The following SCAF11 variants were observed in gnomAD, a reference collection of about 807,000 sequenced individuals.
The protein encoded by SCAF11 is SR-related CTD associated factor 11, also known as protein SCAF11.
A neutral mutation model predicts 140.5 loss-of-function variants in SCAF11; 47 were observed. The ratio of observed to expected loss-of-function variants is 0.33; its 90% CI spans 0.26 to 0.43. The LOEUF (loss-of-function observed/expected upper bound fraction) is 0.43, where lower values mean the gene tolerates loss of function less well. SCAF11 is among the 20% of genes least tolerant of loss of function. SCAF11 has a pLI of 1.00. For missense variants in SCAF11, 1,645 were observed against 1,705.1 expected (o/e 0.96, Z 0.62); for synonymous variants, 557 against 579.4 (o/e 0.96, Z 0.55).
At chr12:45,973,425 AAAT>A (rs943766372) in intron 1 of SCAF11, among the ~76,000 whole-genome samples, 2 of 152,064 alleles carry the variant, frequency 1.3e-5, no homozygotes, top group East Asian at 3.8e-4. Context: ...GAAGAAGAAG[AAAT>A]AATGGGTGGA....
intron 10 of SCAF11, chr12:45,930,839 C>G (rs1402138709): frequency 6.6e-6 from 1 of 151,882 alleles, no homozygotes; most frequent in African/African-American, 2.4e-5. Flanking sequence ...ATACCTTTTT[C>G]TTAATTTTTT....
chr12:45,989,981 C>T (rs574287543), intron 1 of SCAF11, among the ~76,000 whole-genome samples: 10 of 151,896 alleles, frequency 6.6e-5, no homozygotes, highest in East Asian at 1.9e-4. Flanking sequence ...CCCTTCCCCC[C>T]CCCCCGTAGG....
intron 12 of SCAF11, 52 bp from the exon 13 acceptor site, chr12:45,923,206 T>G (rs1944758241): frequency 1.3e-6 from 2 of 1,489,714 alleles, no homozygotes; most frequent in African/African-American, 2.8e-5. Context: ...TCGATAGAAG[T>G]CTTTTAGTGA....
intron 4 of SCAF11, among the ~76,000 whole-genome samples, chr12:45,950,550 C>T (rs945244149): frequency 1.3e-5 from 2 of 152,208 alleles, no homozygotes; most frequent in East Asian, 1.9e-4. Flanking sequence ...ATACAAACAG[C>T]GTTTGGAAAA....
Position 45,926,865 on chromosome 12 carries a change from T to C in SCAF11, c.2836A>G (p.Arg946Gly), listed in dbSNP as rs1565658605. ...RSHSRSPSRC[R>G]TKSKSSSFGR... ...AATGATGAACTCTTACTTTTTGTTC[T>C]ACATCTTGAGGGGGACCTAGAATGA... Residue 946 changes from arginine (R) to glycine (G), a missense_variant, in exon 11 of 15, where the codon AGA becomes GGA. Arg to Gly is a moderately radical substitution (Grantham distance 125). Coordinates refer to ENST00000369367, the MANE Select transcript of SCAF11 (RefSeq NM_004719.3). 6.2e-7 allele frequency: 1 copy of C among 1,614,106 alleles called. No individual in the cohort carries two copies. Among genetic ancestry groups the C allele is most frequent in the East Asian group, 2.2e-5 (1 of 44,886 alleles).
chr12:45,988,324 T>A (rs1367678698), intron 1 of SCAF11, among the ~76,000 whole-genome samples: 3 of 152,208 alleles, frequency 2.0e-5, no homozygotes, highest in Non-Finnish European at 4.4e-5. Flanking sequence ...CAACTATCTC[T>A]GATATACTTT....
chr12:45,991,087 G>C (rs748626145), upstream of SCAF11, among the ~76,000 whole-genome samples: 2 of 152,232 alleles, frequency 1.3e-5, no homozygotes, highest in Non-Finnish European at 2.9e-5. Flanking sequence ...GTTTGCGGTG[G>C]ATTGAGTGTT....
intron 6 of SCAF11, among the ~76,000 whole-genome samples, chr12:45,936,966 C>T (rs1945185959): frequency 6.8e-6 from 1 of 146,788 alleles, no homozygotes; most frequent in Admixed American, 6.6e-5. Flanking sequence ...CACTCTGTAA[C>T]CCCAATCCTC....
intron 3 of SCAF11, among the ~76,000 whole-genome samples, chr12:45,959,244 G>C (rs2136604950): frequency 6.6e-6 from 1 of 151,722 alleles, no homozygotes; most frequent in East Asian, 1.9e-4. Flanking sequence ...CTAGAGCCTG[G>C]GTGACAGACT....
At chr12:45,936,963 T>C (rs774530478) in intron 6 of SCAF11, among the ~76,000 whole-genome samples, 2 of 147,276 alleles carry the variant, frequency 1.4e-5, no homozygotes, top group Non-Finnish European at 2.9e-5. Context: ...TGACACTCTG[T>C]AACCCCAATC....
Position 45,944,297 on chromosome 12 carries a change from CCA to C in SCAF11, c.463+950_463+951del, listed in dbSNP as rs568001841. On this transcript the variant is annotated intron_variant, in intron 6 of 14. Transcript: ENST00000369367. ...AAAATGCCTTTTTAACCACAGAAGT[CCA>C]GAGATCAAAACAACTTTTGCTTCAA... is the stretch of plus-strand genomic sequence containing the variant. Among the ~76,000 whole-genome samples the C allele has an allele frequency of 7.1e-3, 1,088 of 152,224 alleles. 10 individuals carry two copies. Among genetic ancestry groups the C allele is most frequent in the African/African-American group, 0.025 (1,029 of 41,532 alleles).
rs545793851 is a variant in SCAF11, at chr12:45,920,013, C to T, written c.*2035G>A. The T allele has an allele frequency of 2.6e-5, 4 of 152,164 alleles. No homozygotes were observed. The highest frequency in any genetic ancestry group is 4.8e-5 in the African/African-American group (2 of 41,462). The allele number at this position is 152,164 out of a possible 1,614,324, so 9.4% of individuals were successfully genotyped here. The stretch of plus-strand genomic sequence containing the variant: ...TTGTTTCTAGAGTTCTAATCTAAAA[C>T]AACTAAGGAGGTGTGCCTTGATATT... On this transcript the variant is annotated 3_prime_UTR_variant, in exon 15 of 15. Transcript: ENST00000369367.
intron 1 of SCAF11, among the ~76,000 whole-genome samples, chr12:45,964,861 A>G (rs1486982575): frequency 6.6e-6 from 1 of 152,158 alleles, no homozygotes; most frequent in Non-Finnish European, 1.5e-5. Flanking sequence ...CACAGTATGG[A>G]GAAATACAAT....
At chr12:45,940,960 A>T (rs987479136) in intron 6 of SCAF11, among the ~76,000 whole-genome samples, 1 of 152,108 alleles carries the variant, frequency 6.6e-6, no homozygotes, top group Non-Finnish European at 1.5e-5. Flanking sequence ...GTGTATCACC[A>T]CACTTGGCTA....
chr12:45,968,153 T>G (rs1050034728), intron 1 of SCAF11, among the ~76,000 whole-genome samples: 1 of 152,254 alleles, frequency 6.6e-6, no homozygotes, highest in Non-Finnish European at 1.5e-5. Context: ...TTATTAGTTC[T>G]ACTAAGTTCT....
At chr12:45,948,668 G>A (rs962187294) in intron 4 of SCAF11, 131 bp from the exon 5 acceptor site, 17 of 610,526 alleles carry the variant, frequency 2.8e-5, no homozygotes, top group Admixed American at 1.8e-4. Flanking sequence ...AAATACATAT[G>A]CTTATTCATT....
chr12:45,972,604 A>G lies in SCAF11; in HGVS notation c.-21-8416T>C, dbSNP rs1447672407. Among the ~76,000 whole-genome samples, 6 of 150,302 alleles carry G rather than the reference A, an allele frequency of 4.0e-5. No individual in the cohort carries two copies. The South Asian group carries it at 8.3e-4, about 21-fold the overall frequency. Reference sequence around the variant, plus strand: ...GTCTCTTAAAAAAAAAAAAAAAAAAAAAATCCAAAAAACAAAAACAAAAAC... The same window carrying G: ...GTCTCTTAAAAAAAAAAAAAAAAAAGAAATCCAAAAAACAAAAACAAAAAC... On this transcript the variant is annotated intron_variant, in intron 1 of 14. Coordinates refer to ENST00000369367, the MANE Select transcript of SCAF11 (RefSeq NM_004719.3).
chr12:45,974,171 A>G (rs1946180454), intron 1 of SCAF11: 1 of 470,730 alleles, frequency 2.1e-6, no homozygotes, highest in Admixed American at 2.3e-5. Context: ...AAAACTGTAC[A>G]TACTTGATTT....
At chr12:45,951,088 C>A (rs1945538559) in intron 4 of SCAF11, among the ~76,000 whole-genome samples, 1 of 152,022 alleles carries the variant, frequency 6.6e-6, no homozygotes. Context: ...AAATACAAAT[C>A]ATAATCATGG....
Sources: allele counts gnomAD v4.1 joint callset (sites outside exome capture counted in the v4.1 genomes callset), GRCh38; gene constraint gnomAD v4.1.1; transcripts MANE v1.5; gene names NCBI Gene and HGNC (gene_info 2026-07-23, HGNC 2026-07-21).